Variants in KCNAB1 observed in about 807,000 individuals in gnomAD.
KCNAB1 encodes potassium voltage-gated channel subfamily A regulatory beta subunit 1.
A neutral mutation model predicts 64.6 loss-of-function variants in KCNAB1; 35 were observed. That is an observed-to-expected ratio of 0.54 (90% CI 0.41 to 0.72). The LOEUF (loss-of-function observed/expected upper bound fraction) is 0.72. Among genes scored for constraint, KCNAB1 ranks in the 30% least tolerant of loss-of-function variants. The pLI, the probability that KCNAB1 is intolerant of heterozygous loss-of-function variation, is 0.00. For missense variants in KCNAB1, 401 were observed against 512.9 expected, an observed-to-expected ratio of 0.78 and a Z score of 2.11; for synonymous variants, 177 against 183.8, an observed-to-expected ratio of 0.96 and a Z score of 0.30.
In KCNAB1 at chr3:156,459,859, A is replaced by T; in HGVS notation, c.470A>T (p.Lys157Met). 6.2e-7 allele frequency: 1 copy of T among 1,610,378 alleles called. No homozygotes were observed. The highest frequency in any genetic ancestry group is 8.5e-7 in the Non-Finnish European group (1 of 1,176,814). The stretch of plus-strand genomic sequence containing the variant: ...GTGATTCTGGGGAGCATCATCAAGA[A>T]GAAAGGCTGGAGGTATTGCATTCGC... ...AEVILGSIIK[K>M]KGWRRSSLVI... The change falls in exon 5 of 14, where the codon AAG becomes ATG. Residue 157 changes from lysine to methionine, a missense_variant. Physicochemically the swap from Lys to Met is moderately conservative, Grantham distance 95. Transcript: ENST00000490337.
intron 1 of KCNAB1, among the ~76,000 whole-genome samples, chr3:156,326,858 G>A (rs533570524): frequency 1.3e-5 from 2 of 152,164 alleles, no homozygotes; most frequent in East Asian, 1.9e-4. Context: ...CTTCTTTATA[G>A]CGTTGACCAC....
chr3:156,244,450 T>G (rs886760580), intron 1 of KCNAB1, among the ~76,000 whole-genome samples: 1 of 152,232 alleles, frequency 6.6e-6, no homozygotes, highest in African/African-American at 2.4e-5. Context: ...AGTCCCTTTT[T>G]GCCATGTAAA....
chr3:156,199,660 G>A (rs955429548), intron 1 of KCNAB1, among the ~76,000 whole-genome samples: 7 of 152,110 alleles, frequency 4.6e-5, no homozygotes, highest in Non-Finnish European at 1.0e-4. Context: ...GTGTTTTTCA[G>A]CTCCATCAGG....
At chr3:156,426,587 C>T (rs1259114365) in intron 2 of KCNAB1, among the ~76,000 whole-genome samples, 1 of 152,148 alleles carries the variant, frequency 6.6e-6, no homozygotes, top group Admixed American at 6.5e-5. Context: ...TAGTATCATA[C>T]AGAATAGTTT....
chr3:156,211,901 G>A (rs1297225650), intron 1 of KCNAB1, among the ~76,000 whole-genome samples: 1 of 152,234 alleles, frequency 6.6e-6, no homozygotes, highest in Non-Finnish European at 1.5e-5. Context: ...CTGAGGAGGA[G>A]CTAGAATTGG....
intron 1 of KCNAB1, among the ~76,000 whole-genome samples, chr3:156,136,393 T>C (rs1714350187): frequency 6.6e-6 from 1 of 152,200 alleles, no homozygotes; most frequent in Non-Finnish European, 1.5e-5. Context: ...AACCCAAGCC[T>C]TCCTGACTTC....
upstream of KCNAB1, among the ~76,000 whole-genome samples, chr3:156,120,238 A>G (rs1257808525): frequency 6.6e-6 from 1 of 152,208 alleles, no homozygotes; most frequent in Non-Finnish European, 1.5e-5. Context: ...CTCTAACATG[A>G]TTATCGAATG....
intron 1 of KCNAB1, among the ~76,000 whole-genome samples, chr3:156,396,298 CA>C (rs1713459927): frequency 6.6e-6 from 1 of 152,136 alleles, no homozygotes; most frequent in Admixed American, 6.5e-5. Context: ...ATAGACTATG[CA>C]AGTTCTAAAA....
chr3:156,337,495 T>G, intron 1 of KCNAB1, among the ~76,000 whole-genome samples: 1 of 152,186 alleles, frequency 6.6e-6, no homozygotes, highest in South Asian at 2.1e-4. Context: ...GGAGCCAGAG[T>G]TCACTTTGCC....
At chr3:156,193,635 G>C (rs1038434533) in intron 1 of KCNAB1, among the ~76,000 whole-genome samples, 22 of 152,150 alleles carry the variant, frequency 1.4e-4, no homozygotes, top group African/African-American at 5.1e-4. Context: ...ATGAGAGAGA[G>C]TGAAGGGAGA....
intron 2 of KCNAB1, among the ~76,000 whole-genome samples, chr3:156,436,189 A>G (rs1716573472): frequency 6.6e-6 from 1 of 152,026 alleles, no homozygotes; most frequent in Non-Finnish European, 1.5e-5. Context: ...CTGTTCCTGC[A>G]TTAGTTTGCC....
intron 11 of KCNAB1, among the ~76,000 whole-genome samples, chr3:156,517,082 C>T (rs4283533): frequency 0.22 from 33,672 of 152,116 alleles, 4,204 homozygotes; most frequent in South Asian, 0.34. Flanking sequence ...ATTAGAATCA[C>T]AAATTACTCT....
At chr3:156,327,812 C>T (rs1723072020) in intron 1 of KCNAB1, among the ~76,000 whole-genome samples, 1 of 152,124 alleles carries the variant, frequency 6.6e-6, no homozygotes, top group Non-Finnish European at 1.5e-5. Context: ...AGGAGGCAAG[C>T]ATTCCAGATA....
At chr3:156,350,955 G>A (rs930665615) in intron 1 of KCNAB1, among the ~76,000 whole-genome samples, 15 of 152,368 alleles carry the variant, frequency 9.8e-5, no homozygotes, top group African/African-American at 3.4e-4. Context: ...CTGAGACACC[G>A]TGTGTGAAAA....
chr3:156,479,444 C>T (rs1714624916), intron 8 of KCNAB1, among the ~76,000 whole-genome samples: 1 of 151,998 alleles, frequency 6.6e-6, no homozygotes, highest in African/African-American at 2.4e-5. Flanking sequence ...TTTTGACTTT[C>T]TGTCATTCCC....
chr3:156,205,699 C>T (rs1339595183), intron 1 of KCNAB1, among the ~76,000 whole-genome samples: 1 of 152,196 alleles, frequency 6.6e-6, no homozygotes, highest in Non-Finnish European at 1.5e-5. Context: ...ATTCAGTGGC[C>T]TCTGAAGAGG....
At chr3:156,160,574 G>A (rs550971921) in intron 1 of KCNAB1, among the ~76,000 whole-genome samples, 5 of 152,298 alleles carry the variant, frequency 3.3e-5, no homozygotes, top group African/African-American at 9.6e-5. Flanking sequence ...ATGAAAAACT[G>A]TTGAAGGATT....
At chr3:156,284,957 G>C (rs1204103390) in intron 1 of KCNAB1, among the ~76,000 whole-genome samples, 14 of 152,334 alleles carry the variant, frequency 9.2e-5, no homozygotes, top group Admixed American at 8.5e-4. Context: ...GTAGACCAGA[G>C]CTGTTCCTAT....
chr3:156,492,209 C>G (rs180980061), intron 8 of KCNAB1, among the ~76,000 whole-genome samples: 1 of 152,162 alleles, frequency 6.6e-6, no homozygotes, highest in East Asian at 1.9e-4. Context: ...TTCTTTCTTA[C>G]CTACAATAAA....
Sources: gnomAD v4.1 joint callset for allele counts (sites outside exome capture counted in the v4.1 genomes callset) on GRCh38, gnomAD v4.1.1 for gene constraint, MANE v1.5 for transcripts, NCBI Gene and HGNC (gene_info 2026-07-23, HGNC 2026-07-21) for gene names.